CSNK2A2IP: variants seen among roughly 807,000 people sequenced by gnomAD.
CSNK2A2IP encodes casein kinase II subunit alpha'-interacting protein.
At chr3:88,425,710 A>T in the CSNK2A2IP span, among the ~76,000 whole-genome samples, 1 of 152,122 alleles carries the variant, frequency 6.6e-6, no homozygotes, top group Non-Finnish European at 1.5e-5. Context: ...GCAAGTAATA[A>T]GCATTGGTAT....
the CSNK2A2IP span, among the ~76,000 whole-genome samples, chr3:88,359,553 G>T: frequency 6.6e-6 from 1 of 151,792 alleles, no homozygotes; most frequent in South Asian, 2.1e-4. Flanking sequence ...CACTAGCTTG[G>T]TATGTTGTAT....
chr3:88,416,601 G>A, the CSNK2A2IP span, among the ~76,000 whole-genome samples: 1 of 152,176 alleles, frequency 6.6e-6, no homozygotes, highest in African/African-American at 2.4e-5. Flanking sequence ...CTTCGCTCCT[G>A]AAACACTTGC....
At chr3:88,349,835 C>T in the CSNK2A2IP span, among the ~76,000 whole-genome samples, 3 of 152,112 alleles carry the variant, frequency 2.0e-5, no homozygotes, top group Admixed American at 6.6e-5. Context: ...TAGCCATTCT[C>T]GCAGGAGTAA....
chr3:88,406,033 ACT>A, the CSNK2A2IP span, among the ~76,000 whole-genome samples: 5 of 151,966 alleles, frequency 3.3e-5, no homozygotes, highest in African/African-American at 9.7e-5. Context: ...TGGTTTTAAG[ACT>A]CTATAATTTC....
the CSNK2A2IP span, among the ~76,000 whole-genome samples, chr3:88,420,333 G>C: frequency 6.6e-6 from 1 of 152,062 alleles, no homozygotes; most frequent in Non-Finnish European, 1.5e-5. Context: ...CATTTATCTT[G>C]CATCTGGCTA....
the CSNK2A2IP span, among the ~76,000 whole-genome samples, chr3:88,416,629 T>C: frequency 6.6e-6 from 1 of 152,204 alleles, no homozygotes. Context: ...TACCACGGAA[T>C]CATAGACATT....
chr3:88,406,078 C>A, the CSNK2A2IP span, among the ~76,000 whole-genome samples: 3 of 151,942 alleles, frequency 2.0e-5, no homozygotes, highest in Non-Finnish European at 2.9e-5. Context: ...TTTTAACTAA[C>A]CTCATTGGTC....
At chr3:88,425,863 T>C in the CSNK2A2IP span, among the ~76,000 whole-genome samples, 1 of 152,172 alleles carries the variant, frequency 6.6e-6, no homozygotes, top group Non-Finnish European at 1.5e-5. Flanking sequence ...TGTATTATGC[T>C]AGATGTTGCT....
At chr3:88,350,850 A>G in the CSNK2A2IP span, among the ~76,000 whole-genome samples, 2 of 152,120 alleles carry the variant, frequency 1.3e-5, no homozygotes, top group Admixed American at 1.3e-4. Flanking sequence ...AGAAGTCTCT[A>G]TGCTCCCATG....
the CSNK2A2IP span, among the ~76,000 whole-genome samples, chr3:88,405,805 C>G: frequency 1.3e-5 from 2 of 152,134 alleles, no homozygotes; most frequent in East Asian, 3.8e-4. Flanking sequence ...CCCCACTTGC[C>G]TATTACGTGA....
At chr3:88,365,416 A>G in the CSNK2A2IP span, among the ~76,000 whole-genome samples, 1 of 152,232 alleles carries the variant, frequency 6.6e-6, no homozygotes, top group Admixed American at 6.5e-5. Flanking sequence ...AATTTTTTGT[A>G]CTTTGTCATA....
At chr3:88,402,769 C>T in the CSNK2A2IP span, among the ~76,000 whole-genome samples, 1 of 151,954 alleles carries the variant, frequency 6.6e-6, no homozygotes, top group Non-Finnish European at 1.5e-5. Flanking sequence ...AGTTCAACTT[C>T]AGAACAGTGA....
At chr3:88,340,728 A>G in the CSNK2A2IP span, among the ~76,000 whole-genome samples, 1 of 151,938 alleles carries the variant, frequency 6.6e-6, no homozygotes, top group Non-Finnish European at 1.5e-5. Flanking sequence ...AACTTTCTTA[A>G]TTGATACAAA....
At chr3:88,373,714 T>G in the CSNK2A2IP span, among the ~76,000 whole-genome samples, 1 of 150,856 alleles carries the variant, frequency 6.6e-6, no homozygotes, top group Non-Finnish European at 1.5e-5. Flanking sequence ...CAAAAGTTAA[T>G]TATTTTCAAA....
At chr3:88,427,973 A>G in the CSNK2A2IP span, among the ~76,000 whole-genome samples, 1 of 152,100 alleles carries the variant, frequency 6.6e-6, no homozygotes, top group Non-Finnish European at 1.5e-5. Flanking sequence ...AGATTGCACC[A>G]TGCGCCTGGA....
chr3:88,370,158 C>G, the CSNK2A2IP span, among the ~76,000 whole-genome samples: 1 of 151,820 alleles, frequency 6.6e-6, no homozygotes, highest in African/African-American at 2.4e-5. Flanking sequence ...CTGTGCCAGC[C>G]TAAATAACAG....
chr3:88,400,877 A>G, the CSNK2A2IP span, among the ~76,000 whole-genome samples: 14 of 152,212 alleles, frequency 9.2e-5, no homozygotes, highest in Non-Finnish European at 1.5e-5. Flanking sequence ...TCATATAAAG[A>G]TAGTATGGTT....
At chr3:88,465,821 GTAAACC>G in the CSNK2A2IP span, 5 of 1,231,596 alleles carry the variant, frequency 4.1e-6, no homozygotes, top group Non-Finnish European at 4.0e-6. Flanking sequence ...TTACCCTTCT[GTAAACC>G]TCAAACAACA....
At chr3:88,352,796 C>T in the CSNK2A2IP span, among the ~76,000 whole-genome samples, 2 of 152,056 alleles carry the variant, frequency 1.3e-5, no homozygotes, top group Non-Finnish European at 2.9e-5. Context: ...GGGCAAACAA[C>T]CCTCTCAAGT....
Sources: gnomAD v4.1 joint callset for allele counts (sites outside exome capture counted in the v4.1 genomes callset) on GRCh38, gnomAD v4.1.1 for gene constraint, MANE v1.5 for transcripts, NCBI Gene and HGNC (gene_info 2026-07-23, HGNC 2026-07-21) for gene names.